Variants in RARB observed in about 807,000 individuals in gnomAD.
The protein encoded by RARB is retinoic acid receptor beta, also known as HBV-activated protein.
Under a neutral mutation model 51.9 loss-of-function variants are expected in RARB, and 17 were observed. The ratio of observed to expected loss-of-function variants is 0.33; its 90% CI spans 0.22 to 0.49. RARB has a LOEUF of 0.49. RARB is among the 20% of genes least tolerant of loss of function. RARB has a pLI of 0.99. For synonymous variants in RARB, 215 were observed against 195.4 expected, an observed-to-expected ratio of 1.10 and a Z score of -0.84; for missense variants, 369 against 550.8, an observed-to-expected ratio of 0.67 and a Z score of 3.30.
chr3:25,262,260 A>C (rs981999474), intron 5 of RARB, among the ~76,000 whole-genome samples: 1 of 152,016 alleles, frequency 6.6e-6, no homozygotes, highest in Admixed American at 6.6e-5. Flanking sequence ...CGTAATGACT[A>C]TTCTCCCTCT....
intron 2 of RARB, among the ~76,000 whole-genome samples, chr3:25,034,544 G>A (rs569420594): frequency 6.6e-6 from 1 of 152,312 alleles, no homozygotes; most frequent in Admixed American, 6.5e-5. Context: ...TGTTACAAAA[G>A]TAGATGTGCA....
chr3:25,392,233 G>T (rs1045191791), intron 5 of RARB, among the ~76,000 whole-genome samples: 10 of 152,056 alleles, frequency 6.6e-5, no homozygotes, highest in African/African-American at 2.4e-4. Context: ...TCTCCATTTT[G>T]TTCCATTGGT....
intron 2 of RARB, among the ~76,000 whole-genome samples, chr3:24,859,595 C>T (rs1192033900): frequency 6.6e-6 from 1 of 152,140 alleles, no homozygotes; most frequent in African/African-American, 2.4e-5. Flanking sequence ...CCAGACTCAA[C>T]CAATATAATC....
intron 2 of RARB, among the ~76,000 whole-genome samples, chr3:25,021,475 C>G (rs1466876645): frequency 6.6e-6 from 1 of 151,982 alleles, no homozygotes. Flanking sequence ...AACAACATCC[C>G]ATGCTAATGG....
At chr3:24,944,138 G>A (rs1410159179) in intron 2 of RARB, among the ~76,000 whole-genome samples, 1 of 152,164 alleles carries the variant, frequency 6.6e-6, no homozygotes, top group East Asian at 1.9e-4. Context: ...TGAAGCCCTA[G>A]ACAGGACAAT....
rs1243962713 is a variant in RARB at position 25,461,637 on chromosome 3, G to GT, written c.306+297dup. Among the ~76,000 whole-genome samples, 11 of 152,186 alleles carry GT rather than the reference G, an allele frequency of 7.2e-5. No homozygotes were observed. In the South Asian group the frequency reaches 8.3e-4, roughly 11 times the overall value. ...AGGCCAGGTGTGATGGCTCACGCCT[G>GT]TAATCCCAGCACTTTGGGAGGCCAA... is the stretch of plus-strand genomic sequence containing the variant. On this transcript the variant is annotated intron_variant, in intron 2 of 7. Transcript: ENST00000330688.
chr3:25,095,717 C>T (rs1383798862), intron 3 of RARB, among the ~76,000 whole-genome samples: 1 of 151,828 alleles, frequency 6.6e-6, no homozygotes, highest in Non-Finnish European at 1.5e-5. Flanking sequence ...TGGGGGTGGC[C>T]AGAGTATTAC....
chr3:25,339,531 G>T (rs75758071), intron 5 of RARB, among the ~76,000 whole-genome samples: 4 of 151,686 alleles, frequency 2.6e-5, no homozygotes, highest in African/African-American at 4.8e-5. Context: ...TGCTGGAATC[G>T]CAAATCGTTT....
At chr3:25,456,672 T>G (rs1437531332) in intron 1 of RARB, among the ~76,000 whole-genome samples, 1 of 111,948 alleles carries the variant, frequency 8.9e-6, no homozygotes, top group Non-Finnish European at 1.8e-5. Context: ...TATATATATA[T>G]ATATATATAT....
chr3:25,019,259 C>G (rs1697577626), intron 2 of RARB, among the ~76,000 whole-genome samples: 1 of 152,016 alleles, frequency 6.6e-6, no homozygotes, highest in South Asian at 2.1e-4. Flanking sequence ...AAATCAAATT[C>G]AGAACTATTT....
At chr3:24,912,343 G>A (rs79628689) in intron 2 of RARB, among the ~76,000 whole-genome samples, 103 of 152,186 alleles carry the variant, frequency 6.8e-4, no homozygotes, top group African/African-American at 2.4e-3. Flanking sequence ...TCATGTACCC[G>A]TTTCTTCGTA....
chr3:25,290,495 C>T (rs1703761154), intron 5 of RARB, among the ~76,000 whole-genome samples: 1 of 152,112 alleles, frequency 6.6e-6, no homozygotes, highest in Admixed American at 6.5e-5. Context: ...TTATGGCAGC[C>T]CTAGCAAACT....
chr3:24,842,449 G>C (rs1702431235), intron 1 of RARB, among the ~76,000 whole-genome samples: 1 of 152,144 alleles, frequency 6.6e-6, no homozygotes, highest in Non-Finnish European at 1.5e-5. Context: ...AATTTGATTT[G>C]AGGGTTGAGG....
intron 5 of RARB, among the ~76,000 whole-genome samples, chr3:25,336,113 A>G (rs1705055551): frequency 6.6e-6 from 1 of 152,168 alleles, no homozygotes; most frequent in Admixed American, 6.5e-5. Context: ...CTTAAGAGGA[A>G]AAAAGGAAAT....
intron 2 of RARB, among the ~76,000 whole-genome samples, chr3:25,059,594 A>G (rs1351101049): frequency 6.6e-6 from 1 of 151,870 alleles, no homozygotes; most frequent in Non-Finnish European, 1.5e-5. Context: ...TGCTTTAAAA[A>G]TAAAACTAGA....
intron 5 of RARB, among the ~76,000 whole-genome samples, chr3:25,313,132 GTTGTTT>G (rs984999926): frequency 6.6e-6 from 1 of 152,144 alleles, no homozygotes; most frequent in Non-Finnish European, 1.5e-5. Context: ...ATATCTGTTT[GTTGTTT>G]TTGTTTTTGT....
chr3:25,376,232 C>A (rs1706456040), intron 5 of RARB, among the ~76,000 whole-genome samples: 1 of 152,142 alleles, frequency 6.6e-6, no homozygotes, highest in Non-Finnish European at 1.5e-5. Context: ...CCCTTACCCA[C>A]CATGCTCTTA....
intron 2 of RARB, among the ~76,000 whole-genome samples, chr3:24,991,443 C>CAAAAAAAA (rs371185277): frequency 3.0e-4 from 41 of 138,802 alleles, no homozygotes; most frequent in South Asian, 6.9e-4. Flanking sequence ...AACTCTGTCT[C>CAAAAAAAA]AAAAAAAAAA....
At chr3:25,224,655 T>G (rs74907213) in intron 5 of RARB, among the ~76,000 whole-genome samples, 80 of 152,298 alleles carry the variant, frequency 5.3e-4, no homozygotes, top group African/African-American at 1.9e-3. Flanking sequence ...TTGCTCAGGC[T>G]GGAGTGCAGT....
Sources: gnomAD v4.1 joint callset for allele counts (sites outside exome capture counted in the v4.1 genomes callset) on GRCh38, gnomAD v4.1.1 for gene constraint, MANE v1.5 for transcripts, NCBI Gene and HGNC (gene_info 2026-07-23, HGNC 2026-07-21) for gene names.